Variants in LHFPL2 observed in about 807,000 individuals in gnomAD.
The protein encoded by LHFPL2 is LHFPL tetraspan subfamily member 2 protein.
Under a neutral mutation model 17.5 loss-of-function variants are expected in LHFPL2, and 7 were observed. That is an observed-to-expected ratio of 0.40 (90% CI 0.23 to 0.75). LHFPL2 has a LOEUF of 0.75. Ranked by LOEUF, LHFPL2 falls within the 30% of genes least tolerant of loss-of-function variation. The pLI is 0.37. For missense variants in LHFPL2, 241 were observed against 294.8 expected, an observed-to-expected ratio of 0.82 and a Z score of 1.34; for synonymous variants, 134 against 116.2, an observed-to-expected ratio of 1.15 and a Z score of -0.99.
chr5:78,498,290 A>C (rs1458318399), intron 4 of LHFPL2, among the ~76,000 whole-genome samples: 2 of 152,192 alleles, frequency 1.3e-5, no homozygotes, highest in Non-Finnish European at 2.9e-5. Flanking sequence ...TTCTGTTTCC[A>C]GTAGATGTTT....
intron 4 of LHFPL2, among the ~76,000 whole-genome samples, chr5:78,500,511 T>TG (rs1561307412): frequency 1.3e-5 from 2 of 152,148 alleles, no homozygotes. Flanking sequence ...GCAAGATCTC[T>TG]TCCTTCCACC....
intron 2 of LHFPL2, among the ~76,000 whole-genome samples, chr5:78,582,885 C>G (rs13360624): frequency 0.37 from 55,835 of 151,868 alleles, 11,159 homozygotes; most frequent in Middle Eastern, 0.47. Flanking sequence ...TGACAGTGGG[C>G]TGTTGAAGTC....
intron 3 of LHFPL2, among the ~76,000 whole-genome samples, chr5:78,525,012 C>T (rs1358707950): frequency 6.6e-6 from 1 of 152,186 alleles, no homozygotes; most frequent in Non-Finnish European, 1.5e-5. Context: ...ACTTCTAACA[C>T]TTGGGGCTGA....
chr5:78,488,646 A>C lies in LHFPL2; in HGVS notation c.*251T>G, dbSNP rs7735704. On this transcript the variant is annotated 3_prime_UTR_variant, in exon 5 of 5. Transcript: ENST00000380345. The stretch of plus-strand genomic sequence containing the variant: ...GAACCTGGGGGAGATGGAGTCTGAC[A>C]GAACTTGGCAACTCCAGGTCTAGGA... The C allele has an allele frequency of 2.0e-6, 1 of 489,742 alleles. No individual in the cohort carries two copies. The highest frequency in any genetic ancestry group is 2.4e-5 in the South Asian group (1 of 41,610). 30.3% of individuals were successfully genotyped at this position (489,742 alleles called of 1,614,324 possible).
At chr5:78,600,655 G>C (rs1743980533) in intron 2 of LHFPL2, among the ~76,000 whole-genome samples, 1 of 152,198 alleles carries the variant, frequency 6.6e-6, no homozygotes, top group Non-Finnish European at 1.5e-5. Flanking sequence ...TTGAACCCGG[G>C]AGGTGGAGGC....
rs1005210705 is a variant in LHFPL2, at chr5:78,539,074, G to A, written c.-186+25739C>T. On this transcript the variant is annotated intron_variant, in intron 3 of 4. Coordinates refer to ENST00000380345, the MANE Select transcript of LHFPL2 (RefSeq NM_005779.3). The stretch of plus-strand genomic sequence containing the variant: ...AATCCCCCACAAAATGGTATTAAGA[G>A]GTGTGGCCTTTGGGAGGTAATTAAG... 5.9e-5 allele frequency among the ~76,000 whole-genome samples: 9 copies of A among 152,282 alleles called. No homozygotes were observed. The East Asian group carries it at 1.5e-3, about 26-fold the overall frequency.
chr5:78,514,667 A>G (rs565104751), intron 3 of LHFPL2, among the ~76,000 whole-genome samples: 6 of 152,324 alleles, frequency 3.9e-5, no homozygotes, highest in Middle Eastern at 3.4e-3. Flanking sequence ...AGCAAAGTTC[A>G]CATCTACCTG....
In LHFPL2 at chr5:78,564,762, T is replaced by C. The variant is rs577125073; in HGVS notation, c.-186+51A>G. ...CAAGAAGTTGCCATTCGCTGGAAAATTGTTTCCAAATAATCACCAACAATA... is the reference window on the plus strand; with the variant it reads ...CAAGAAGTTGCCATTCGCTGGAAAACTGTTTCCAAATAATCACCAACAATA... On this transcript the variant is annotated intron_variant, in intron 3 of 4. Coordinates refer to ENST00000380345, the MANE Select transcript of LHFPL2 (RefSeq NM_005779.3). 5 of 152,268 alleles carry C rather than the reference T, an allele frequency of 3.3e-5. No homozygotes were observed. In the East Asian group the frequency reaches 9.7e-4, roughly 29 times the overall value. The allele number at this position is 152,268 out of a possible 1,614,324, so 9.4% of individuals were successfully genotyped here.
Position 78,511,349 on chromosome 5 carries a change from G to C in LHFPL2, c.-185-951C>G, listed in dbSNP as rs916143668. On this transcript the variant is annotated intron_variant, in intron 3 of 4. Coordinates refer to ENST00000380345, the MANE Select transcript of LHFPL2 (RefSeq NM_005779.3). ...TCTCATTTCACAGAGGCCTCATTCT[G>C]TCTCCACGGAGGAATGACTTCATTA... is the stretch of plus-strand genomic sequence containing the variant. 4.6e-5 allele frequency among the ~76,000 whole-genome samples: 7 copies of C among 152,308 alleles called. No homozygotes were observed. The East Asian group carries it at 1.4e-3, about 29-fold the overall frequency.
chr5:78,552,462 G>A (rs1331019818), intron 3 of LHFPL2, among the ~76,000 whole-genome samples: 1 of 152,186 alleles, frequency 6.6e-6, no homozygotes, highest in East Asian at 1.9e-4. Context: ...CTAACCTTTG[G>A]GGGCCAAGGG....
chr5:78,501,192 G>GA (rs1313968022), intron 4 of LHFPL2, among the ~76,000 whole-genome samples: 1 of 152,116 alleles, frequency 6.6e-6, no homozygotes, highest in Non-Finnish European at 1.5e-5. Context: ...TAAAGACACT[G>GA]AAAATAGCCT....
chr5:78,567,783 A>G (rs1434728575), intron 2 of LHFPL2, among the ~76,000 whole-genome samples: 1 of 152,130 alleles, frequency 6.6e-6, no homozygotes, highest in Non-Finnish European at 1.5e-5. Context: ...TAACAACTAT[A>G]TAATGCAAGC....
At chr5:78,555,494 GGACA>G (rs1463685884) in intron 3 of LHFPL2, among the ~76,000 whole-genome samples, 6 of 152,358 alleles carry the variant, frequency 3.9e-5, no homozygotes, top group African/African-American at 1.2e-4. Flanking sequence ...GGAGGAAGGA[GGACA>G]GACAGGAATT....
intron 2 of LHFPL2, among the ~76,000 whole-genome samples, chr5:78,608,012 A>T (rs1311659596): frequency 6.6e-6 from 1 of 152,246 alleles, no homozygotes; most frequent in Non-Finnish European, 1.5e-5. Flanking sequence ...GTGTAAAAGA[A>T]AGATAAGCAA....
intron 2 of LHFPL2, among the ~76,000 whole-genome samples, chr5:78,620,847 T>C (rs898859090): frequency 6.6e-6 from 1 of 152,248 alleles, no homozygotes; most frequent in African/African-American, 2.4e-5. Context: ...CTCTCTATTT[T>C]CGGACCATGT....
intron 2 of LHFPL2, among the ~76,000 whole-genome samples, chr5:78,579,653 C>G (rs1261663933): frequency 2.0e-5 from 3 of 152,082 alleles, no homozygotes; most frequent in Non-Finnish European, 4.4e-5. Context: ...TCATCCATGT[C>G]CCTACAAAGG....
At chr5:78,492,723 C>T (rs560987633) in intron 4 of LHFPL2, among the ~76,000 whole-genome samples, 13 of 152,326 alleles carry the variant, frequency 8.5e-5, no homozygotes, top group Non-Finnish European at 1.8e-4. Context: ...GCTTGTGAGC[C>T]TGTGGAAAGC....
At chr5:78,584,306 C>A (rs1424572902) in intron 2 of LHFPL2, among the ~76,000 whole-genome samples, 1 of 152,248 alleles carries the variant, frequency 6.6e-6, no homozygotes, top group African/African-American at 2.4e-5. Flanking sequence ...CTCCATCCAG[C>A]TTTGTTCCGT....
chr5:78,568,333 C>T lies in LHFPL2; in HGVS notation c.-244-3462G>A, dbSNP rs115693820. Among the ~76,000 whole-genome samples, 1,185 of 152,270 alleles carry T rather than the reference C, an allele frequency of 7.8e-3. 10 individuals carry two copies. The highest frequency in any genetic ancestry group is 0.017 in the South Asian group (80 of 4,824). Reference sequence around the variant, plus strand: ...GCACATTAAGGAGTTAAAAAGTCTTCGCTTCCCATTCATCTCCATTTGGGC... The same window carrying T: ...GCACATTAAGGAGTTAAAAAGTCTTTGCTTCCCATTCATCTCCATTTGGGC... On this transcript the variant is annotated intron_variant, in intron 2 of 4. Coordinates refer to ENST00000380345, the MANE Select transcript of LHFPL2 (RefSeq NM_005779.3).
Sources: gnomAD v4.1 joint callset for allele counts (sites outside exome capture counted in the v4.1 genomes callset) on GRCh38, gnomAD v4.1.1 for gene constraint, MANE v1.5 for transcripts, NCBI Gene and HGNC (gene_info 2026-07-23, HGNC 2026-07-21) for gene names.